The following TLR6 variants were observed in gnomAD, a reference collection of about 807,000 sequenced individuals.
The protein encoded by TLR6 is toll like receptor 6, also known as toll-like receptor 6.
Under a neutral mutation model 16.1 loss-of-function variants are expected in TLR6, and 9 were observed. The ratio of observed to expected loss-of-function variants is 0.56; its 90% CI spans 0.34 to 0.98. The LOEUF is 0.98. Ranked by LOEUF, TLR6 falls within the 50% of genes least tolerant of loss-of-function variation. The probability of loss-of-function intolerance (pLI) is 0.02; values close to 1 mark genes in which losing one functional copy is unlikely to be tolerated. For missense variants in TLR6, 786 were observed against 921.0 expected (o/e 0.85, Z 1.90); for synonymous variants, 340 against 338.6 (o/e 1.00, Z -0.04).
At chr4:38,857,223 A>C (rs1013961833), upstream of TLR6, among the ~76,000 whole-genome samples, 1 of 152,216 alleles carries the variant, frequency 6.6e-6, no homozygotes, top group African/African-American at 2.4e-5. Context: ...TGGATGAGAT[A>C]GTTTAAAATA....
chr4:38,864,137 G>T, the TLR6 span, among the ~76,000 whole-genome samples: 1 of 152,088 alleles, frequency 6.6e-6, no homozygotes, highest in African/African-American at 2.4e-5. Context: ...GGACTTCCTT[G>T]ACCACAGTTG....
At chr4:38,849,019 A>T (rs1264312245) in intron 1 of TLR6, among the ~76,000 whole-genome samples, 1 of 152,234 alleles carries the variant, frequency 6.6e-6, no homozygotes, top group Non-Finnish European at 1.5e-5. Flanking sequence ...TGTTAAGGGC[A>T]GCCAGAGAGA....
At chr4:38,827,255 G>A (rs1727588546) in exon 2 of TLR6, 1 of 1,614,130 alleles carries the variant, frequency 6.2e-7, no homozygotes, top group Non-Finnish European at 8.5e-7. Context: ...GCTGTTCTGT[G>A]GAATGGGTTC....
chr4:38,827,820 A>G (rs750373210), exon 2 of TLR6: 63 of 1,614,232 alleles, frequency 3.9e-5, no homozygotes, highest in Non-Finnish European at 5.3e-5. Context: ...CAGCCCTCTA[A>G]CACTTCACTT....
At chr4:38,850,963 T>C (rs138016406) in intron 1 of TLR6, among the ~76,000 whole-genome samples, 30,475 of 151,606 alleles carry the variant, frequency 0.2, 3,788 homozygotes, top group Non-Finnish European at 0.28. Flanking sequence ...CTGATGAACA[T>C]TAATACAAAA....
At chr4:38,827,288 T>C in exon 2 of TLR6, 1 of 1,614,150 alleles carries the variant, frequency 6.2e-7, no homozygotes, top group Non-Finnish European at 8.5e-7. Context: ...GATTAAGTTA[T>C]TAGATCCTTC....
At chr4:38,843,698 G>T (rs955055599) in intron 1 of TLR6, 2 of 152,184 alleles carry the variant, frequency 1.3e-5, no homozygotes, top group African/African-American at 4.8e-5. Context: ...ATGGCGTATG[G>T]TTAAAAGCTC....
At chr4:38,829,075 G>T in exon 2 of TLR6, 2 of 1,614,162 alleles carry the variant, frequency 1.2e-6, no homozygotes, top group South Asian at 2.2e-5. Flanking sequence ...GCAGGGCCTT[G>T]AAATCATTGA....
intron 1 of TLR6, among the ~76,000 whole-genome samples, chr4:38,833,329 G>A (rs1447210140): frequency 6.6e-6 from 1 of 152,200 alleles, no homozygotes; most frequent in Non-Finnish European, 1.5e-5. Context: ...TGCCACCACT[G>A]TTGCCTGAGA....
chr4:38,855,032 C>T (rs982669316), intron 1 of TLR6, among the ~76,000 whole-genome samples: 1 of 151,938 alleles, frequency 6.6e-6, no homozygotes, highest in Non-Finnish European at 1.5e-5. Flanking sequence ...ACGGTGAAAC[C>T]CCGTCTCTAC....
At chr4:38,843,708 C>T (rs780038806) in intron 1 of TLR6, 1 of 152,166 alleles carries the variant, frequency 6.6e-6, no homozygotes, top group Non-Finnish European at 1.5e-5. Flanking sequence ...GTTAAAAGCT[C>T]TTCACTGATC....
At chr4:38,855,291 A>T (rs1266754694) in intron 1 of TLR6, among the ~76,000 whole-genome samples, 1 of 152,112 alleles carries the variant, frequency 6.6e-6, no homozygotes, top group African/African-American at 2.4e-5. Flanking sequence ...TATACGTAAA[A>T]GCTAGAGGAC....
the TLR6 span, chr4:38,868,017 G>C: frequency 2.4e-6 from 1 of 421,302 alleles, no homozygotes; most frequent in Non-Finnish European, 4.8e-6. Context: ...TGAGGGTCTG[G>C]GGCGGCGCGG....
chr4:38,826,527 A>G (rs1727549920), exon 2 of TLR6: 1 of 152,478 alleles, frequency 6.6e-6, no homozygotes, highest in Non-Finnish European at 1.5e-5. Context: ...ATACACTATC[A>G]AGTCATGAGT....
the TLR6 span, among the ~76,000 whole-genome samples, chr4:38,862,737 A>T: frequency 6.6e-6 from 1 of 151,616 alleles, no homozygotes. Context: ...CTGGGACTAC[A>T]GGCACGTGCC....
the TLR6 span, among the ~76,000 whole-genome samples, chr4:38,862,393 G>T: frequency 6.6e-6 from 1 of 151,680 alleles, no homozygotes; most frequent in East Asian, 1.9e-4. Flanking sequence ...GGATTTTCTT[G>T]CCTCAGCCTT....
chr4:38,852,880 G>A (rs1712824405), intron 1 of TLR6, among the ~76,000 whole-genome samples: 1 of 152,002 alleles, frequency 6.6e-6, no homozygotes, highest in South Asian at 2.1e-4. Flanking sequence ...CCCATTACTG[G>A]GTATATACCC....
chr4:38,846,505 C>G (rs1306740316), intron 1 of TLR6, among the ~76,000 whole-genome samples: 1 of 151,958 alleles, frequency 6.6e-6, no homozygotes, highest in East Asian at 1.9e-4. Flanking sequence ...CCCAAACTCA[C>G]CAGGGGAGGC....
chr4:38,827,258 A>G lies in TLR6; in HGVS notation c.2216T>C (p.Ile739Thr), dbSNP rs1205457637. 1.9e-6 allele frequency: 3 copies of G among 1,614,158 alleles called. No individual in the cohort carries two copies. In the South Asian group the frequency reaches 3.3e-5, roughly 18 times the overall value. ...CTTGTTGGGAATGCTGTTCTGTGGA[A>G]TGGGTTCCAGTAAGATGAGGATTAA... is the stretch of plus-strand genomic sequence containing the variant. The change falls in exon 2 of 2, where the codon ATT (isoleucine) becomes ACT (threonine). Residue 739 changes from isoleucine to threonine, a missense_variant. Ile to Thr is a moderately conservative substitution (Grantham distance 89, BLOSUM62 -1). Coordinates refer to ENST00000436693, the Ensembl canonical transcript of TLR6.
Sources: allele counts gnomAD v4.1 joint callset (sites outside exome capture counted in the v4.1 genomes callset), GRCh38; gene constraint gnomAD v4.1.1; transcripts MANE v1.5; gene names NCBI Gene and HGNC (gene_info 2026-07-23, HGNC 2026-07-21).